Variants in RUNX3 observed in about 807,000 individuals in gnomAD.
RUNX3 encodes the protein runt-related transcription factor 3.
Under a neutral mutation model 27.7 loss-of-function variants are expected in RUNX3, and 10 were observed. That is an observed-to-expected ratio of 0.36 (90% CI 0.22 to 0.61). The LOEUF is 0.61. Among genes scored for constraint, RUNX3 ranks in the 20% least tolerant of loss-of-function variants. The pLI, the probability that RUNX3 is intolerant of heterozygous loss-of-function variation, is 0.72. For synonymous variants in RUNX3, 270 were observed against 269.2 expected, an observed-to-expected ratio of 1.00 and a Z score of -0.03; for missense variants, 469 against 629.5, an observed-to-expected ratio of 0.75 and a Z score of 2.73.
In RUNX3 at chr1:24,901,017, G is replaced by GTTTTGTTTTTTT. The variant is rs1640531510; in HGVS notation, c.*1104_*1105insAAAAAAACAAAA. The GTTTTGTTTTTTT allele has an allele frequency of 8.0e-6, 1 of 124,910 alleles. No homozygotes were observed. The highest frequency in any genetic ancestry group is 3.0e-5 in the African/African-American group (1 of 32,794). The allele number at this position is 124,910 out of a possible 1,614,324, so 7.7% of individuals were successfully genotyped here. A position where few individuals can be genotyped will look rare whatever the true frequency, so the allele number is the denominator to read the frequency against. On this transcript the variant is annotated 3_prime_UTR_variant, in exon 5 of 5. Transcript: ENST00000308873. The stretch of plus-strand genomic sequence containing the variant: ...TAAAATCAGTTTTAAAAACTGTTTT[G>GTTTTGTTTTTTT]TTTTTTTTTTGTTTTTTTGTTTTTT...
chr1:24,951,782 A>T (rs1641773865), intron 2 of RUNX3, among the ~76,000 whole-genome samples: 1 of 152,222 alleles, frequency 6.6e-6, no homozygotes, highest in Admixed American at 6.5e-5. Context: ...ACCTGAGCAG[A>T]TGCCTTAATC....
chr1:24,912,092 A>G (rs1248972455), intron 3 of RUNX3, among the ~76,000 whole-genome samples: 1 of 152,216 alleles, frequency 6.6e-6, no homozygotes, highest in Non-Finnish European at 1.5e-5. Context: ...TGCCTGAGGA[A>G]AGAAGATGGT....
chr1:24,934,687 G>A (rs1641308444), upstream of RUNX3, among the ~76,000 whole-genome samples: 1 of 152,208 alleles, frequency 6.6e-6, no homozygotes, highest in Non-Finnish European at 1.5e-5. Context: ...AGCCAGGCTA[G>A]AGAGGGCCAG....
chr1:24,900,461 TC>T lies in RUNX3; in HGVS notation c.*1660del, dbSNP rs1640515500. The stretch of plus-strand genomic sequence containing the variant: ...CCGCATGCTGCTAGCCTTTATGAGT[TC>T]CCTTACGCCTTTTCTAAGCCTTTCT... On this transcript the variant is annotated 3_prime_UTR_variant, in exon 5 of 5. Coordinates refer to ENST00000308873, the MANE Select transcript of RUNX3 (RefSeq NM_004350.3). The T allele has an allele frequency of 6.6e-6, 1 of 152,334 alleles. No individual in the cohort carries two copies. The highest frequency in any genetic ancestry group is 2.4e-5 in the African/African-American group (1 of 41,436). 9.4% of individuals were successfully genotyped at this position (152,334 alleles called of 1,614,324 possible).
rs12088586 is a variant in RUNX3 at position 24,938,789 on chromosome 1, G to A, written c.59-8937C>T. On this transcript the variant is annotated intron_variant, in intron 2 of 6. Transcript: ENST00000338888. ...CAGGACACAATGTTCTGTGTCCTCCGGAGGACACAGCCAGAAGACACTGCC... is the reference window on the plus strand; with the variant it reads ...CAGGACACAATGTTCTGTGTCCTCCAGAGGACACAGCCAGAAGACACTGCC... Among the ~76,000 whole-genome samples the A allele has an allele frequency of 7.5e-3, 1,135 of 152,130 alleles. 16 individuals carry two copies. The highest frequency in any genetic ancestry group is 0.026 in the African/African-American group (1,081 of 41,466).
intron 2 of RUNX3, chr1:24,919,559 C>A: frequency 2.1e-6 from 1 of 468,684 alleles, no homozygotes; most frequent in South Asian, 2.6e-5. Context: ...ACTTTGTCAA[C>A]CCCCCGCCCC....
chr1:24,946,771 C>T (rs1313632862), intron 2 of RUNX3, among the ~76,000 whole-genome samples: 2 of 152,162 alleles, frequency 1.3e-5, no homozygotes, highest in Non-Finnish European at 2.9e-5. Flanking sequence ...ATCCTCCCCA[C>T]AGCTGCTCTC....
intron 4 of RUNX3, among the ~76,000 whole-genome samples, chr1:24,905,538 C>T (rs1236281652): frequency 6.6e-6 from 1 of 152,220 alleles, no homozygotes; most frequent in Non-Finnish European, 1.5e-5. Context: ...CAGAAGTCAG[C>T]CACTGCCCCA....
At position 24,929,742 on chromosome 1, in the gene RUNX3, C is replaced by G. The variant is rs1641177894; in HGVS notation, c.127G>C (p.Gly43Arg). 1.4e-6 allele frequency: 2 copies of G among 1,476,364 alleles called. No homozygotes were observed. 91.5% of individuals were successfully genotyped at this position (1,476,364 alleles called of 1,614,324 possible). The change falls in exon 1 of 5, where the codon GGG becomes CGG. Residue 43 changes from glycine to arginine, a missense_variant. By Grantham distance (125) the Gly-to-Arg change is moderately radical (BLOSUM62 -2). This residue lies in a region of RUNX3 where 115 missense variants were observed against 118.0 expected (regional missense o/e 0.97). Coordinates refer to ENST00000308873, the MANE Select transcript of RUNX3 (RefSeq NM_004350.3). ...SGALSAQAAV[G>R]PGGRARPEVR... Reference sequence around the variant, plus strand: ...TCGGGCCGGGCGCGCCCTCCGGGCCCCACGGCCGCCTGCGCGCTCAGCGCG... The same window carrying G: ...TCGGGCCGGGCGCGCCCTCCGGGCCGCACGGCCGCCTGCGCGCTCAGCGCG...
chr1:24,953,959 C>T (rs2124370929), intron 2 of RUNX3, among the ~76,000 whole-genome samples: 1 of 152,246 alleles, frequency 6.6e-6, no homozygotes, highest in South Asian at 2.1e-4. Flanking sequence ...GTCGCCCAAG[C>T]TAGAGTGCAG....
intron 3 of RUNX3, among the ~76,000 whole-genome samples, chr1:24,909,103 T>G (rs1023464599): frequency 2.6e-5 from 4 of 152,168 alleles, no homozygotes; most frequent in African/African-American, 9.7e-5. Context: ...TCAGAGGTGC[T>G]GGGAGGGTCA....
chr1:24,914,505 C>T (rs981485682), intron 3 of RUNX3, among the ~76,000 whole-genome samples: 2 of 152,210 alleles, frequency 1.3e-5, no homozygotes, highest in African/African-American at 2.4e-5. Context: ...AGATGAAAGC[C>T]GGGTCGGTGG....
At position 24,923,017 on chromosome 1, in the gene RUNX3, G is replaced by C. The variant is rs1033355898; in HGVS notation, c.440-3673C>G. 7.2e-5 allele frequency among the ~76,000 whole-genome samples: 11 copies of C among 152,148 alleles called. No individual in the cohort carries two copies. Among genetic ancestry groups the C allele is most frequent in the Non-Finnish European group, 1.5e-5 (1 of 68,042 alleles). ...AGCCCCTAGGACGGCATCCGGCACA[G>C]AGTAGGTGCTCAACAACATTTGTTA... On this transcript the variant is annotated intron_variant, in intron 2 of 4. Transcript: ENST00000308873. This position sits in a 1 kb window ranked among gnomAD's most constrained non-coding sequence, Gnocchi z 5.9.
intron 2 of RUNX3, among the ~76,000 whole-genome samples, chr1:24,939,604 C>T (rs1641429213): frequency 6.6e-6 from 1 of 152,232 alleles, no homozygotes; most frequent in Non-Finnish European, 1.5e-5. Flanking sequence ...ATTTGTTCTA[C>T]AGAGCAGCTC....
At chr1:24,945,280 C>G (rs766004361) in intron 2 of RUNX3, among the ~76,000 whole-genome samples, 5 of 152,088 alleles carry the variant, frequency 3.3e-5, no homozygotes, top group African/African-American at 4.8e-5. Context: ...TTTTATCTGG[C>G]GAATTCATCC....
Position 24,902,934 on chromosome 1 carries a change from T to C in RUNX3, c.704-268A>G, listed in dbSNP as rs1640591646. On this transcript the variant is annotated intron_variant, in intron 4 of 4. Transcript: ENST00000308873. This position sits in a 1 kb window ranked among gnomAD's most constrained non-coding sequence, Gnocchi z 9.2. The stretch of plus-strand genomic sequence containing the variant: ...AGCAGCAACAGAACAGAGGAGGGGG[T>C]CTATTCTTCTTTTTAAATCCTCCTT... 6.6e-6 allele frequency among the ~76,000 whole-genome samples: 1 copy of C among 151,208 alleles called. No homozygotes were observed. Among genetic ancestry groups the C allele is most frequent in the South Asian group, 2.1e-4 (1 of 4,766 alleles).
intron 2 of RUNX3, among the ~76,000 whole-genome samples, chr1:24,942,977 G>A (rs1166361038): frequency 6.6e-6 from 1 of 152,238 alleles, no homozygotes; most frequent in Non-Finnish European, 1.5e-5. Flanking sequence ...TGGAAATGTG[G>A]GCAGCTGGGT....
At chr1:24,919,378 G>A in intron 2 of RUNX3, 34 bp from the exon 3 acceptor site, 3 of 1,437,172 alleles carry the variant, frequency 2.1e-6, no homozygotes, top group Non-Finnish European at 2.9e-6. Flanking sequence ...CAGGTGGTTG[G>A]CACCTGGAGC....
chr1:24,908,290 T>C (rs12082398), intron 3 of RUNX3, among the ~76,000 whole-genome samples: 83,315 of 145,768 alleles, frequency 0.57, 25,987 homozygotes, highest in African/African-American at 0.87. Flanking sequence ...CTACGACATG[T>C]GGTGATCCAA....
Sources: gnomAD v4.1 joint callset for allele counts (sites outside exome capture counted in the v4.1 genomes callset) on GRCh38, gnomAD v4.1.1 for gene constraint, gnomAD v4.1.1 regional missense constraint, Gnocchi (gnomAD v3.1) non-coding constraint, MANE v1.5 for transcripts, NCBI Gene and HGNC (gene_info 2026-07-23, HGNC 2026-07-21) for gene names.